The following GABRA5 variants were observed in gnomAD, a reference collection of about 807,000 sequenced individuals.
GABRA5 encodes the protein gamma-aminobutyric acid receptor subunit alpha-5.
A neutral mutation model predicts 47.3 loss-of-function variants in GABRA5; 18 were observed. The ratio of observed to expected loss-of-function variants is 0.38; its 90% CI spans 0.26 to 0.56. The LOEUF is 0.56. GABRA5 is among the 20% of genes least tolerant of loss of function. The pLI, the probability that GABRA5 is intolerant of heterozygous loss-of-function variation, is 0.71. For missense variants in GABRA5, 365 were observed against 599.3 expected, an observed-to-expected ratio of 0.61 and a Z score of 4.08; for synonymous variants, 237 against 229.3, an observed-to-expected ratio of 1.03 and a Z score of -0.30.
Position 26,911,747 on chromosome 15 carries a change from A to G in GABRA5, c.498-3056A>G, listed in dbSNP as rs144199983. 3.2e-4 allele frequency among the ~76,000 whole-genome samples: 48 copies of G among 152,224 alleles called. No homozygotes were observed. The East Asian group carries it at 8.7e-3, about 28-fold the overall frequency. On this transcript the variant is annotated intron_variant, in intron 6 of 10. Coordinates refer to ENST00000335625, the MANE Select transcript of GABRA5 (RefSeq NM_000810.4). ...TGGTGGATTGGAGCTGGATGCCAGC[A>G]CAGAGCAATGGGTTGGGGGTAACTC...
At chr15:26,877,776 A>G (rs1030570004) in intron 3 of GABRA5, 2 of 412,206 alleles carry the variant, frequency 4.9e-6, no homozygotes, top group African/African-American at 4.2e-5. Context: ...CATTCAATAT[A>G]AGGAAATAAT....
At chr15:26,946,377 C>T (rs757220084) in intron 10 of GABRA5, among the ~76,000 whole-genome samples, 16 of 151,916 alleles carry the variant, frequency 1.1e-4, no homozygotes, top group Non-Finnish European at 2.2e-4. Context: ...TGTGTCCTCA[C>T]CACCTGTCAC....
intron 3 of GABRA5, 127 bp from the exon 4 acceptor site, chr15:26,880,719 G>T (rs1400599875): frequency 1.1e-6 from 1 of 885,318 alleles, no homozygotes; most frequent in Non-Finnish European, 1.7e-6. Flanking sequence ...GGCACTATGG[G>T]AGCTGTGTTC....
intron 6 of GABRA5, among the ~76,000 whole-genome samples, chr15:26,908,470 G>A (rs1893498534): frequency 6.6e-6 from 1 of 152,198 alleles, no homozygotes; most frequent in South Asian, 2.1e-4. Context: ...CTGCCGTCAT[G>A]CCAGCTGCAG....
intron 8 of GABRA5, chr15:26,939,644 A>G: frequency 3.3e-6 from 2 of 598,968 alleles, no homozygotes; most frequent in Non-Finnish European, 5.9e-6. Context: ...AGAGAGGCAC[A>G]GATTGTGACT....
At chr15:26,890,470 C>T (rs1216477646) in intron 6 of GABRA5, among the ~76,000 whole-genome samples, 1 of 144,804 alleles carries the variant, frequency 6.9e-6, no homozygotes, top group African/African-American at 2.7e-5. Context: ...TCACAGAGCT[C>T]CCTTGTCCTG....
intron 6 of GABRA5, among the ~76,000 whole-genome samples, chr15:26,886,118 C>A (rs1385807350): frequency 6.6e-6 from 1 of 152,064 alleles, no homozygotes; most frequent in Non-Finnish European, 1.5e-5. Flanking sequence ...CTCCCGGGTT[C>A]GAGCGATTCT....
At chr15:26,947,783 T>G in intron 10 of GABRA5, 151 bp from the exon 11 acceptor site, 1 of 655,218 alleles carries the variant, frequency 1.5e-6, no homozygotes, top group Non-Finnish European at 2.7e-6. Flanking sequence ...GTGCCCTGTC[T>G]GCAGGCTACC....
chr15:26,924,670 C>G (rs1309586270), intron 7 of GABRA5, among the ~76,000 whole-genome samples: 1 of 152,182 alleles, frequency 6.6e-6, no homozygotes, highest in Non-Finnish European at 1.5e-5. Flanking sequence ...TCTTAGCTGT[C>G]TGTTCAGCAT....
At chr15:26,900,102 T>C (rs1893291683) in intron 6 of GABRA5, among the ~76,000 whole-genome samples, 1 of 152,104 alleles carries the variant, frequency 6.6e-6, no homozygotes, top group Non-Finnish European at 1.5e-5. Flanking sequence ...ACATCTAAAT[T>C]TATAACAATC....
chr15:26,937,403 C>T, intron 8 of GABRA5, 75 bp downstream of exon 8: 1 of 1,462,930 alleles, frequency 6.8e-7, no homozygotes, highest in Non-Finnish European at 9.1e-7. Flanking sequence ...CTGCTCCCAG[C>T]ACCTCTCTGC....
intron 6 of GABRA5, among the ~76,000 whole-genome samples, chr15:26,910,941 A>T (rs906293718): frequency 5.3e-5 from 8 of 152,214 alleles, no homozygotes; most frequent in African/African-American, 1.7e-4. Flanking sequence ...ACATCAAAGC[A>T]TTCCACATTT....
chr15:26,923,463 T>G (rs1893887614), intron 7 of GABRA5, among the ~76,000 whole-genome samples: 1 of 152,182 alleles, frequency 6.6e-6, no homozygotes, highest in Non-Finnish European at 1.5e-5. Context: ...CTTTCAAATT[T>G]TTTTTCTTTA....
At chr15:26,937,988 G>A (rs1292813601) in intron 8 of GABRA5, among the ~76,000 whole-genome samples, 1 of 152,246 alleles carries the variant, frequency 6.6e-6, no homozygotes, top group East Asian at 1.9e-4. Flanking sequence ...GGGATTTTGA[G>A]CTCCAAAGAG....
Position 26,946,807 on chromosome 15 carries a change from A to G in GABRA5, c.1090-1127A>G, listed in dbSNP as rs200771456. Among the ~76,000 whole-genome samples the G allele has an allele frequency of 1.2e-4, 18 of 152,300 alleles. No individual in the cohort carries two copies. In the East Asian group the frequency reaches 3.5e-3, roughly 29 times the overall value. ...TTATATCCAAAAAAAAAACTTCACAAAAAATGTATACAAGAATGTTCATAG... is the reference window on the plus strand; with the variant it reads ...TTATATCCAAAAAAAAAACTTCACAGAAAATGTATACAAGAATGTTCATAG... On this transcript the variant is annotated intron_variant, in intron 10 of 10. Coordinates refer to ENST00000335625, the MANE Select transcript of GABRA5 (RefSeq NM_000810.4).
Position 26,948,104 on chromosome 15 carries a change from C to T in GABRA5, c.1260C>T (p.Asn420=). The change falls in exon 11 of 11, where the codon AAC becomes AAT. Residue 420 remains asparagine, a synonymous_variant. Coordinates refer to ENST00000335625, the MANE Select transcript of GABRA5 (RefSeq NM_000810.4). The part of the protein sequence containing the change: ...EKTSESKKTY[N]SISKIDKMSR... ...CTTCTGAAAGCAAAAAGACTTACAA[C>T]AGTATCAGCAAAATTGACAAAATGT... The T allele has an allele frequency of 6.2e-7, 1 of 1,612,882 alleles. No individual in the cohort carries two copies. The highest frequency in any genetic ancestry group is 1.3e-5 in the African/African-American group (1 of 75,052).
In GABRA5 at chr15:26,943,206, C is replaced by A. The variant is rs140684; in HGVS notation, c.878-9C>A. ...CCGTTTTTCACTCTGCCCTGCCTGACCCCCGCAGGGGTCACCACGGTGCTG... is the reference window on the plus strand; with the variant it reads ...CCGTTTTTCACTCTGCCCTGCCTGAACCCCGCAGGGGTCACCACGGTGCTG... On this transcript the variant is annotated splice_polypyrimidine_tract_variant and intron_variant, in intron 9 of 10. Coordinates refer to ENST00000335625, the MANE Select transcript of GABRA5 (RefSeq NM_000810.4). 0.86 allele frequency: 1,328,379 copies of A among 1,548,214 alleles called. 580,228 individuals are homozygous for A. Among genetic ancestry groups the A allele is most frequent in the Non-Finnish European group, 0.91 (1,039,041 of 1,146,370 alleles).
At chr15:26,921,690 A>G (rs1007114750) in intron 7 of GABRA5, among the ~76,000 whole-genome samples, 2 of 151,956 alleles carry the variant, frequency 1.3e-5, no homozygotes, top group Non-Finnish European at 2.9e-5. Context: ...AACTTAGGTT[A>G]TTGATTTGAG....
chr15:26,911,398 A>AACAC (rs1211826336), intron 6 of GABRA5, among the ~76,000 whole-genome samples: 1 of 96,782 alleles, frequency 1.0e-5, no homozygotes, highest in South Asian at 3.4e-4. Context: ...CACACACACA[A>AACAC]ACACACACAC....
Sources: gnomAD v4.1 joint callset for allele counts (sites outside exome capture counted in the v4.1 genomes callset) on GRCh38, gnomAD v4.1.1 for gene constraint, MANE v1.5 for transcripts, NCBI Gene and HGNC (gene_info 2026-07-23, HGNC 2026-07-21) for gene names.